The following NFIB variants were observed in gnomAD, a reference collection of about 807,000 sequenced individuals.
NFIB encodes nuclear factor 1 B-type.
Under a neutral mutation model 61.5 loss-of-function variants are expected in NFIB, and 11 were observed. That is an observed-to-expected ratio of 0.18 (90% CI 0.11 to 0.30). NFIB has a LOEUF of 0.30. Ranked by LOEUF, NFIB falls within the 10% of genes least tolerant of loss-of-function variation. NFIB has a pLI of 1.00. For synonymous variants in NFIB, 260 were observed against 216.5 expected (o/e 1.20, Z -1.76); for missense variants, 471 against 608.9 (o/e 0.77, Z 2.38).
At chr9:14,146,979 G>C (rs1484683713) in intron 5 of NFIB, among the ~76,000 whole-genome samples, 172 bp from the exon 6 acceptor site, 2 of 152,044 alleles carry the variant, frequency 1.3e-5, no homozygotes, top group East Asian at 1.9e-4. Flanking sequence ...AATATTTCTA[G>C]TTGCATATAC....
At chr9:14,384,013 G>T (rs556427518) in intron 1 of NFIB, among the ~76,000 whole-genome samples, 1 of 152,228 alleles carries the variant, frequency 6.6e-6, no homozygotes, top group Non-Finnish European at 1.5e-5. Context: ...GCCCAGGCTC[G>T]TGATTGGCTG....
intron 1 of NFIB, among the ~76,000 whole-genome samples, chr9:14,380,218 T>G (rs2061471742): frequency 6.6e-6 from 1 of 152,212 alleles, no homozygotes; most frequent in Non-Finnish European, 1.5e-5. Flanking sequence ...TACCAAGGTC[T>G]GCAATGCTTC....
At chr9:14,267,417 T>C (rs756788388) in intron 2 of NFIB, among the ~76,000 whole-genome samples, 11 of 152,192 alleles carry the variant, frequency 7.2e-5, no homozygotes, top group Non-Finnish European at 1.3e-4. Flanking sequence ...TAAATGCAAA[T>C]GGCTCAAAGG....
At chr9:14,207,527 G>C (rs561731631) in intron 2 of NFIB, among the ~76,000 whole-genome samples, 17 of 152,324 alleles carry the variant, frequency 1.1e-4, no homozygotes, top group African/African-American at 3.8e-4. Context: ...GTCAGTGCAT[G>C]CTGCTGACAG....
rs59317512 is a variant in NFIB at position 14,351,646 on chromosome 9, C to G, written c.109-44126G>C. 9.6e-3 allele frequency among the ~76,000 whole-genome samples: 1,466 copies of G among 152,282 alleles called. 20 individuals carry two copies. The highest frequency in any genetic ancestry group is 0.034 in the African/African-American group (1,405 of 41,566). On this transcript the variant is annotated intron_variant, in intron 1 of 8. Transcript: ENST00000380934. ...GCTATCTCCAGCCCTTTCTGTCTAT[C>G]CTAGATGACAACTTCTCCTAGAAAG...
chr9:14,335,169 C>T (rs1007545187), intron 1 of NFIB, among the ~76,000 whole-genome samples: 1 of 152,186 alleles, frequency 6.6e-6, no homozygotes, highest in Non-Finnish European at 1.5e-5. Flanking sequence ...TGGACATGTA[C>T]TTTCAATTCT....
At chr9:14,498,098 T>C in the NFIB span, among the ~76,000 whole-genome samples, 21,292 of 152,192 alleles carry the variant, frequency 0.14, 2,213 homozygotes, top group African/African-American at 0.28. Context: ...GGAGATCTAT[T>C]ATGTTCATTT....
At chr9:14,252,813 T>C (rs1160904654) in intron 2 of NFIB, among the ~76,000 whole-genome samples, 1 of 152,166 alleles carries the variant, frequency 6.6e-6, no homozygotes, top group Non-Finnish European at 1.5e-5. Flanking sequence ...ATAATGTCTT[T>C]CCATCTCCTG....
the NFIB span, among the ~76,000 whole-genome samples, chr9:14,460,415 G>GC: frequency 0.22 from 32,420 of 150,700 alleles, 3,682 homozygotes; most frequent in East Asian, 0.32. Context: ...TATACCTAAT[G>GC]TAAATGACGA....
intron 10 of NFIB, among the ~76,000 whole-genome samples, chr9:14,100,627 T>G (rs1306594563): frequency 6.6e-6 from 1 of 152,194 alleles, no homozygotes; most frequent in Non-Finnish European, 1.5e-5. Flanking sequence ...GGCAGGAGAA[T>G]GGCGTGAACC....
intron 1 of NFIB, among the ~76,000 whole-genome samples, chr9:14,346,622 G>T (rs1419058532): frequency 6.6e-6 from 1 of 152,168 alleles, no homozygotes; most frequent in Admixed American, 6.5e-5. Context: ...TGGCTTGCTG[G>T]TTTGAAAGTT....
intron 1 of NFIB, among the ~76,000 whole-genome samples, chr9:14,344,413 G>GT (rs1015527040): frequency 6.6e-6 from 1 of 151,952 alleles, no homozygotes; most frequent in African/African-American, 2.4e-5. Context: ...GTCTCAGAAG[G>GT]GGGGGGTAGA....
At chr9:14,446,605 T>G in the NFIB span, among the ~76,000 whole-genome samples, 1 of 152,262 alleles carries the variant, frequency 6.6e-6, no homozygotes, top group East Asian at 1.9e-4. Flanking sequence ...ATGTGTGTCA[T>G]ATATATAATA....
chr9:14,287,365 C>A (rs1048913482), intron 2 of NFIB, among the ~76,000 whole-genome samples: 134 of 132,104 alleles, frequency 1.0e-3, no homozygotes, highest in Non-Finnish European at 1.9e-3. Context: ...CGGGAGGCGG[C>A]TTGCAGTGAG....
the NFIB span, among the ~76,000 whole-genome samples, chr9:14,481,197 G>GTGTGTATATA: frequency 6.5e-4 from 30 of 45,840 alleles, 3 homozygotes; most frequent in African/African-American, 2.5e-3. Context: ...GTGTGTGTGT[G>GTGTGTATATA]TATATATATA....
At chr9:14,290,173 A>T (rs572369639) in intron 2 of NFIB, among the ~76,000 whole-genome samples, 1 of 152,240 alleles carries the variant, frequency 6.6e-6, no homozygotes, top group South Asian at 2.1e-4. Flanking sequence ...ACAAATATTG[A>T]AACAGGCATT....
At chr9:14,199,702 T>C (rs2048819552) in intron 2 of NFIB, among the ~76,000 whole-genome samples, 1 of 152,234 alleles carries the variant, frequency 6.6e-6, no homozygotes, top group African/African-American at 2.4e-5. Flanking sequence ...GTCATTTATT[T>C]TTATTTAAAA....
Position 14,150,137 on chromosome 9 carries a change from T to C in NFIB, c.806+8A>G, listed in dbSNP as rs371566619. The C allele has an allele frequency of 8.7e-6, 14 of 1,613,046 alleles. No individual in the cohort carries two copies. The African/African-American group carries it at 1.9e-4, about 22-fold the overall frequency. On this transcript the variant is annotated splice_region_variant and intron_variant, in intron 5 of 10. Transcript: ENST00000380953. Reference sequence around the variant, plus strand: ...ACTTGAGAATATGAGCAGCCCTTCTTTCAGTACCTGCTTGGTGGAGAAGAC... The same window carrying C: ...ACTTGAGAATATGAGCAGCCCTTCTCTCAGTACCTGCTTGGTGGAGAAGAC...
At chr9:14,481,197 G>GTATATATATATATATATATATATATA in the NFIB span, among the ~76,000 whole-genome samples, 85 of 45,802 alleles carry the variant, frequency 1.9e-3, 4 homozygotes, top group East Asian at 3.4e-3. Flanking sequence ...GTGTGTGTGT[G>GTATATATATATATATATATATATATA]TATATATATA....
Sources: allele counts gnomAD v4.1 joint callset (sites outside exome capture counted in the v4.1 genomes callset), GRCh38; gene constraint gnomAD v4.1.1; transcripts MANE v1.5; gene names NCBI Gene and HGNC (gene_info 2026-07-23, HGNC 2026-07-21).